The following GOLGA1 variants were observed in gnomAD, a reference collection of about 807,000 sequenced individuals.
GOLGA1 encodes the protein golgin subfamily A member 1.
Under a neutral mutation model 119.7 loss-of-function variants are expected in GOLGA1, and 63 were observed. The ratio of observed to expected loss-of-function variants is 0.53; its 90% CI spans 0.43 to 0.65. The LOEUF (loss-of-function observed/expected upper bound fraction) is 0.65. Among genes scored for constraint, GOLGA1 ranks in the 30% least tolerant of loss-of-function variants. The probability of loss-of-function intolerance (pLI) is 0.00; values close to 1 mark genes in which losing one functional copy is unlikely to be tolerated. For missense variants in GOLGA1, 798 were observed against 912.8 expected, an observed-to-expected ratio of 0.87 and a Z score of 1.62; for synonymous variants, 318 against 333.4, an observed-to-expected ratio of 0.95 and a Z score of 0.50.
At chr9:124,921,374 G>T in intron 9 of GOLGA1, 134 bp from the exon 10 acceptor site, 1 of 656,536 alleles carries the variant, frequency 1.5e-6, no homozygotes. Flanking sequence ...GGTTTTCAAC[G>T]GAAAAAGCCT....
At chr9:124,926,320 G>C (rs889464353) in intron 7 of GOLGA1, among the ~76,000 whole-genome samples, 1 of 152,194 alleles carries the variant, frequency 6.6e-6, no homozygotes. Context: ...AAGCTGAAGA[G>C]AGCCCACATG....
chr9:124,888,490 G>C lies in GOLGA1; in HGVS notation c.1762-94C>G, dbSNP rs1474569861. The C allele has an allele frequency of 1.8e-6, 2 of 1,135,064 alleles. No homozygotes were observed. Among genetic ancestry groups the C allele is most frequent in the Non-Finnish European group, 2.6e-6 (2 of 771,012 alleles). The allele number at this position is 1,135,064 out of a possible 1,614,324, so 70.3% of individuals were successfully genotyped here. ...GAAGGGGAGCTAGACTCGTCCCTTA[G>C]GTATGGGCGTTGTGCTCCAACAGGC... On this transcript the variant is annotated intron_variant, in intron 18 of 22. Coordinates refer to ENST00000373555, the MANE Select transcript of GOLGA1 (RefSeq NM_002077.4). This position sits in a 1 kb window ranked among gnomAD's most constrained non-coding sequence, Gnocchi z 4.4.
intron 3 of GOLGA1, among the ~76,000 whole-genome samples, chr9:124,935,050 A>T (rs1278241937): frequency 6.6e-6 from 1 of 152,148 alleles, no homozygotes. Context: ...CCTGTCTCAA[A>T]GAAAAAAAAA....
chr9:124,916,665 G>C (rs1241035458), intron 10 of GOLGA1, among the ~76,000 whole-genome samples: 3 of 151,844 alleles, frequency 2.0e-5, no homozygotes, highest in Admixed American at 6.6e-5. Flanking sequence ...CTTGTGTCCT[G>C]GAATTCAAAA....
chr9:124,902,777 C>A (rs903074771), intron 12 of GOLGA1, among the ~76,000 whole-genome samples: 2 of 152,220 alleles, frequency 1.3e-5, no homozygotes, highest in African/African-American at 2.4e-5. Flanking sequence ...GCATGAGCCA[C>A]CGTGTCCAGC....
intron 14 of GOLGA1, 118 bp downstream of exon 14, chr9:124,899,211 T>C: frequency 1.2e-6 from 1 of 864,470 alleles, no homozygotes; most frequent in Non-Finnish European, 1.7e-6. Flanking sequence ...AAAAAAAAGC[T>C]GCCTTCTAAA....
Position 124,921,896 on chromosome 9 carries a change from A to T in GOLGA1, c.562-4T>A. 1 of 1,610,100 alleles carries T rather than the reference A, an allele frequency of 6.2e-7. No homozygotes were observed. Among genetic ancestry groups the T allele is most frequent in the Non-Finnish European group, 8.5e-7 (1 of 1,177,508 alleles). On this transcript the variant is annotated splice_polypyrimidine_tract_variant and splice_region_variant and intron_variant, in intron 8 of 22. Transcript: ENST00000373555. ...GACTTTCTTCTTTTTTTAAAAGCTG[A>T]CACAAAAATACAAAGTTTCATTGGG...
chr9:124,913,549 G>A (rs1830380420), intron 10 of GOLGA1, among the ~76,000 whole-genome samples: 1 of 152,206 alleles, frequency 6.6e-6, no homozygotes, highest in African/African-American at 2.4e-5. Context: ...CAACCAGGGT[G>A]TATGGTTTTG....
intron 12 of GOLGA1, among the ~76,000 whole-genome samples, chr9:124,905,213 G>A (rs1003724537): frequency 6.6e-6 from 1 of 151,672 alleles, no homozygotes; most frequent in Admixed American, 6.6e-5. Context: ...TGTATTCCCA[G>A]TACTTTGGGA....
At chr9:124,899,596 T>C in intron 13 of GOLGA1, 118 bp from the exon 14 acceptor site, 2 of 1,041,942 alleles carry the variant, frequency 1.9e-6, no homozygotes, top group Non-Finnish European at 2.8e-6. Flanking sequence ...CCTGACCCCA[T>C]CCCCCCTGGC....
In GOLGA1 at chr9:124,878,464, GGAA is replaced by G. The variant is rs1419039174; in HGVS notation, c.*2063_*2065del. 1.1e-4 allele frequency: 17 copies of G among 152,612 alleles called. No individual in the cohort carries two copies. Among genetic ancestry groups the G allele is most frequent in the Non-Finnish European group, 2.9e-5 (2 of 68,024 alleles). The allele number at this position is 152,612 out of a possible 1,614,324, so 9.5% of individuals were successfully genotyped here. ...AGAATACAATCCCTATTTACAACAT[GGAA>G]GGAGAGCTCAAGATCCATCGCTCGT... On this transcript the variant is annotated 3_prime_UTR_variant, in exon 23 of 23. Transcript: ENST00000373555.
chr9:124,907,765 A>G (rs994478499), intron 12 of GOLGA1, among the ~76,000 whole-genome samples: 1 of 152,350 alleles, frequency 6.6e-6, no homozygotes, highest in East Asian at 1.9e-4. Context: ...CTCCACACTC[A>G]GTAAACTGGC....
chr9:124,931,742 T>C (rs1830774994), intron 3 of GOLGA1, among the ~76,000 whole-genome samples: 3 of 152,188 alleles, frequency 2.0e-5, no homozygotes, highest in Admixed American at 2.0e-4. Context: ...AAAAGTAAAG[T>C]CCTGGGATAA....
At chr9:124,916,892 A>C (rs1212492031) in intron 10 of GOLGA1, among the ~76,000 whole-genome samples, 1 of 150,098 alleles carries the variant, frequency 6.7e-6, no homozygotes, top group Non-Finnish European at 1.5e-5. Context: ...AAAAAAAAAA[A>C]AAAAAAAAAA....
chr9:124,906,980 C>T (rs2131436753), intron 12 of GOLGA1, among the ~76,000 whole-genome samples: 1 of 151,502 alleles, frequency 6.6e-6, no homozygotes, highest in South Asian at 2.1e-4. Context: ...AATGCAATCC[C>T]AATAAAAATT....
upstream of GOLGA1, among the ~76,000 whole-genome samples, chr9:124,941,575 G>A (rs991186331): frequency 4.6e-5 from 7 of 152,246 alleles, no homozygotes; most frequent in South Asian, 1.2e-3. Context: ...CCAGAAACTA[G>A]TCCTGGGACC....
In GOLGA1 at chr9:124,914,406, C is replaced by T. The variant is rs556265019; in HGVS notation, c.844-2380G>A. On this transcript the variant is annotated intron_variant, in intron 10 of 22. Coordinates refer to ENST00000373555, the MANE Select transcript of GOLGA1 (RefSeq NM_002077.4). ...GTCCCAGCTACTCAGGAGGCTGAGG[C>T]GGGAGAACGGCGTGAACCTGGGAGG... Among the ~76,000 whole-genome samples the T allele has an allele frequency of 1.4e-4, 22 of 152,106 alleles. No homozygotes were observed. The South Asian group carries it at 4.4e-3, about 30-fold the overall frequency.
At chr9:124,942,803 C>T (rs1173481946), upstream of GOLGA1, 5 of 152,150 alleles carry the variant, frequency 3.3e-5, no homozygotes, top group African/African-American at 1.2e-4. Flanking sequence ...ATTCAATAAA[C>T]ATCAAAACAA....
chr9:124,884,955 T>C (rs562628613), intron 19 of GOLGA1, among the ~76,000 whole-genome samples: 40 of 152,238 alleles, frequency 2.6e-4, no homozygotes, highest in Non-Finnish European at 4.6e-4. Flanking sequence ...CCCAGCACTT[T>C]GGGAGCCAAG....
Sources: allele counts gnomAD v4.1 joint callset (sites outside exome capture counted in the v4.1 genomes callset), GRCh38; gene constraint gnomAD v4.1.1; non-coding constraint Gnocchi (gnomAD v3.1); transcripts MANE v1.5; gene names NCBI Gene and HGNC (gene_info 2026-07-23, HGNC 2026-07-21).